FGF14: variants seen among roughly 807,000 people sequenced by gnomAD.
FGF14 encodes fibroblast growth factor 14, also known as fibroblast growth factor homologous factor 4.
FGF14 carries 5 observed loss-of-function variants against 25.5 expected under a neutral mutation model. That is an observed-to-expected ratio of 0.20 (90% CI 0.10 to 0.41). FGF14 has a LOEUF of 0.41. Ranked by LOEUF, FGF14 falls within the 10% of genes least tolerant of loss-of-function variation. FGF14 has a pLI of 1.00. For missense variants in FGF14, 222 were observed against 320.1 expected (o/e 0.69, Z 2.34); for synonymous variants, 138 against 118.3 (o/e 1.17, Z -1.08).
intron 1 of FGF14, among the ~76,000 whole-genome samples, chr13:102,194,664 G>A (rs1361406869): frequency 1.3e-5 from 2 of 151,834 alleles, no homozygotes; most frequent in Non-Finnish European, 1.5e-5. Context: ...AGAAGAAGAA[G>A]TAAAAGAGAA....
At chr13:102,247,234 C>T (rs9514001) in intron 1 of FGF14, among the ~76,000 whole-genome samples, 90,651 of 151,960 alleles carry the variant, frequency 0.6, 27,383 homozygotes, top group Middle Eastern at 0.69. Flanking sequence ...CCTTGACAAA[C>T]GGTATTTCAT....
intron 1 of FGF14, among the ~76,000 whole-genome samples, chr13:102,240,470 A>T (rs1397950123): frequency 6.6e-6 from 1 of 152,186 alleles, no homozygotes; most frequent in Non-Finnish European, 1.5e-5. Context: ...TCAAGAGCTG[A>T]TATTTGCATC....
chr13:101,958,840 CA>C (rs1686746340), intron 1 of FGF14, among the ~76,000 whole-genome samples: 1 of 152,168 alleles, frequency 6.6e-6, no homozygotes, highest in Non-Finnish European at 1.5e-5. Flanking sequence ...GCGCCTCCAC[CA>C]AAATACCAAA....
intron 1 of FGF14, among the ~76,000 whole-genome samples, chr13:102,382,969 T>A (rs1224073073): frequency 4.6e-5 from 7 of 152,254 alleles, no homozygotes; most frequent in African/African-American, 1.4e-4. Flanking sequence ...GAGTTACTGC[T>A]AATAGGTATG....
intron 2 of FGF14, among the ~76,000 whole-genome samples, chr13:101,871,385 G>A (rs1323752258): frequency 5.3e-5 from 8 of 152,074 alleles, no homozygotes. Context: ...ACGGGTTTAG[G>A]ACATAAGGAA....
intron 1 of FGF14, among the ~76,000 whole-genome samples, chr13:102,130,529 C>G (rs562429939): frequency 2.0e-5 from 3 of 152,248 alleles, no homozygotes; most frequent in South Asian, 4.1e-4. Flanking sequence ...TTCAAGCCAG[C>G]AGTCTGGCAA....
intron 3 of FGF14, among the ~76,000 whole-genome samples, chr13:101,808,786 C>T (rs945211160): frequency 3.9e-5 from 6 of 151,992 alleles, no homozygotes; most frequent in Non-Finnish European, 8.8e-5. Context: ...ATGAGGTTGG[C>T]AATGTCTAGA....
chr13:101,856,945 G>A (rs1053813852), intron 3 of FGF14, among the ~76,000 whole-genome samples: 1 of 151,900 alleles, frequency 6.6e-6, no homozygotes, highest in Non-Finnish European at 1.5e-5. Flanking sequence ...AATAGAAACA[G>A]TATTATAAAA....
chr13:102,041,987 A>C (rs567306072), intron 1 of FGF14, among the ~76,000 whole-genome samples: 2 of 152,196 alleles, frequency 1.3e-5, no homozygotes, highest in Non-Finnish European at 2.9e-5. Context: ...AGTTCACTTA[A>C]AGGACTCATC....
At chr13:102,202,273 G>C (rs570931291) in intron 1 of FGF14, among the ~76,000 whole-genome samples, 126 of 152,184 alleles carry the variant, frequency 8.3e-4, no homozygotes, top group Admixed American at 2.2e-3. Context: ...CATAAGCCAG[G>C]GCCCCAAGAA....
intron 1 of FGF14, among the ~76,000 whole-genome samples, chr13:101,968,164 G>A (rs2037335696): frequency 6.6e-6 from 1 of 152,162 alleles, no homozygotes; most frequent in Non-Finnish European, 1.5e-5. Flanking sequence ...GCAGTTATAA[G>A]TAGATAAATC....
intron 1 of FGF14, among the ~76,000 whole-genome samples, chr13:102,059,864 C>CAA (rs1360310381): frequency 1.4e-5 from 2 of 139,620 alleles, no homozygotes; most frequent in African/African-American, 5.9e-5. Flanking sequence ...AAAACAAAAA[C>CAA]AAAAACAAAA....
intron 1 of FGF14, among the ~76,000 whole-genome samples, chr13:102,388,996 C>CT (rs2058370502): frequency 6.6e-6 from 1 of 152,180 alleles, no homozygotes; most frequent in Non-Finnish European, 1.5e-5. Flanking sequence ...TAATCCCAGC[C>CT]TTTGACTTTC....
chr13:102,357,688 T>C (rs1277627452), intron 1 of FGF14, among the ~76,000 whole-genome samples: 1 of 152,148 alleles, frequency 6.6e-6, no homozygotes, highest in Non-Finnish European at 1.5e-5. Flanking sequence ...TTAGTATAGA[T>C]GAAGTGTTTA....
chr13:102,393,194 G>A (rs1230674774), intron 1 of FGF14, among the ~76,000 whole-genome samples: 1 of 151,902 alleles, frequency 6.6e-6, no homozygotes, highest in Admixed American at 6.6e-5. Context: ...CTCTTCCTTG[G>A]CCCTATAGCA....
intron 3 of FGF14, among the ~76,000 whole-genome samples, chr13:101,852,934 A>G (rs951002547): frequency 2.6e-5 from 4 of 152,114 alleles, no homozygotes; most frequent in Admixed American, 2.6e-4. Context: ...TCCACCCTAA[A>G]TCAATGTCTG....
chr13:101,781,478 T>C (rs2039489447), intron 3 of FGF14, among the ~76,000 whole-genome samples: 1 of 152,148 alleles, frequency 6.6e-6, no homozygotes, highest in Middle Eastern at 3.2e-3. Context: ...AATTGTTGCA[T>C]TTTCTAAAAA....
intron 1 of FGF14, among the ~76,000 whole-genome samples, chr13:102,034,355 G>A (rs1474039471): frequency 1.3e-5 from 2 of 152,180 alleles, no homozygotes; most frequent in African/African-American, 4.8e-5. Context: ...TAGAAGCATA[G>A]CTATCAAGCA....
chr13:101,880,243 G>A (rs551163425), intron 1 of FGF14, among the ~76,000 whole-genome samples: 51 of 152,170 alleles, frequency 3.4e-4, no homozygotes, highest in African/African-American at 1.2e-3. Flanking sequence ...AGAATCCTAT[G>A]TCTGCAGGCA....
Sources: gnomAD v4.1 joint callset for allele counts (sites outside exome capture counted in the v4.1 genomes callset) on GRCh38, gnomAD v4.1.1 for gene constraint, MANE v1.5 for transcripts, NCBI Gene and HGNC (gene_info 2026-07-23, HGNC 2026-07-21) for gene names.